Variants in GRID2 observed in about 807,000 individuals in gnomAD.
GRID2 encodes glutamate ionotropic receptor delta type subunit 2.
Under a neutral mutation model 114.8 loss-of-function variants are expected in GRID2, and 33 were observed. That is an observed-to-expected ratio of 0.29 (90% confidence interval 0.22 to 0.38). The LOEUF (loss-of-function observed/expected upper bound fraction) is 0.38. Among genes scored for constraint, GRID2 ranks in the 10% least tolerant of loss-of-function variants. The pLI is 1.00. For missense variants in GRID2, 1,184 were observed against 1,257.7 expected (o/e 0.94, Z 0.89); for synonymous variants, 505 against 449.9 (o/e 1.12, Z -1.55).
At chr4:92,400,755 C>T (rs1399160027) in intron 1 of GRID2, among the ~76,000 whole-genome samples, 2 of 151,906 alleles carry the variant, frequency 1.3e-5, no homozygotes, top group East Asian at 3.9e-4. Flanking sequence ...TTCTCTTTAC[C>T]CTCACAAACA....
At chr4:92,567,185 C>T (rs1023491831) in intron 1 of GRID2, among the ~76,000 whole-genome samples, 50 of 151,908 alleles carry the variant, frequency 3.3e-4, no homozygotes, top group Admixed American at 5.3e-4. Flanking sequence ...ATCAGATAAC[C>T]TCCAGTTGAC....
intron 8 of GRID2, among the ~76,000 whole-genome samples, chr4:93,242,156 G>A (rs1747603281): frequency 6.6e-6 from 1 of 151,894 alleles, no homozygotes; most frequent in Admixed American, 6.6e-5. Context: ...AATTGTCTTT[G>A]CTTGGAGAAA....
At chr4:92,900,113 A>T (rs1327054838) in intron 2 of GRID2, among the ~76,000 whole-genome samples, 3 of 152,168 alleles carry the variant, frequency 2.0e-5, no homozygotes, top group Non-Finnish European at 4.4e-5. Context: ...ATACAATATG[A>T]AAGGTCATTG....
intron 1 of GRID2, among the ~76,000 whole-genome samples, chr4:92,347,312 A>G (rs767522542): frequency 1.3e-5 from 2 of 152,226 alleles, no homozygotes; most frequent in Non-Finnish European, 2.9e-5. Flanking sequence ...GTGTGAGGCT[A>G]TGCACATGCA....
chr4:93,070,300 C>T (rs1295604752), intron 2 of GRID2, among the ~76,000 whole-genome samples: 1 of 152,200 alleles, frequency 6.6e-6, no homozygotes, highest in South Asian at 2.1e-4. Flanking sequence ...TGACCTCATG[C>T]ACTGTTCCAT....
downstream of GRID2, among the ~76,000 whole-genome samples, chr4:93,776,546 A>C (rs930615821): frequency 2.0e-5 from 3 of 152,192 alleles, no homozygotes; most frequent in Non-Finnish European, 4.4e-5. Context: ...TCCAACACTC[A>C]TCTCTTTCCT....
At chr4:92,653,288 C>G (rs1732061301) in intron 2 of GRID2, among the ~76,000 whole-genome samples, 1 of 147,876 alleles carries the variant, frequency 6.8e-6, no homozygotes, top group South Asian at 2.2e-4. Flanking sequence ...TGTGAGCCAT[C>G]GCGCCTGGCC....
chr4:92,411,284 A>C (rs930469735), intron 1 of GRID2, among the ~76,000 whole-genome samples: 7 of 152,084 alleles, frequency 4.6e-5, no homozygotes, highest in African/African-American at 1.7e-4. Flanking sequence ...TAGAATTTTT[A>C]TGTGGAAATA....
At chr4:93,328,241 G>C (rs1758057848) in intron 8 of GRID2, among the ~76,000 whole-genome samples, 1 of 151,502 alleles carries the variant, frequency 6.6e-6, no homozygotes, top group African/African-American at 2.4e-5. Context: ...ACCTTATTTA[G>C]AATGAACTAC....
chr4:92,777,107 G>A (rs1578177588), intron 2 of GRID2, among the ~76,000 whole-genome samples: 1 of 151,242 alleles, frequency 6.6e-6, no homozygotes, highest in African/African-American at 2.4e-5. Flanking sequence ...TTCTTCATCC[G>A]AGATACTAGA....
intron 14 of GRID2, among the ~76,000 whole-genome samples, chr4:93,706,592 G>GT (rs1728018591): frequency 6.6e-6 from 1 of 152,050 alleles, no homozygotes; most frequent in Non-Finnish European, 1.5e-5. Context: ...CTAAATTTGT[G>GT]TATCACCTCT....
chr4:93,326,495 CT>C (rs1252230562), intron 8 of GRID2, among the ~76,000 whole-genome samples: 1 of 151,978 alleles, frequency 6.6e-6, no homozygotes, highest in Admixed American at 6.6e-5. Flanking sequence ...AAAAATTGAG[CT>C]TTTAGATTCT....
At chr4:93,563,292 T>G (rs1290733954) in intron 13 of GRID2, among the ~76,000 whole-genome samples, 1 of 152,026 alleles carries the variant, frequency 6.6e-6, no homozygotes, top group Non-Finnish European at 1.5e-5. Context: ...ATCCTTTATA[T>G]TTTCTTAGCT....
chr4:93,483,667 C>G (rs1293145554), intron 11 of GRID2, among the ~76,000 whole-genome samples: 1 of 151,934 alleles, frequency 6.6e-6, no homozygotes, highest in Non-Finnish European at 1.5e-5. Context: ...TTTAAGTAAG[C>G]TAATGTATAC....
intron 1 of GRID2, among the ~76,000 whole-genome samples, chr4:92,482,581 T>G (rs977531812): frequency 6.6e-6 from 1 of 152,170 alleles, no homozygotes; most frequent in African/African-American, 2.4e-5. Flanking sequence ...TTTTAGAAAA[T>G]ACAATAGTTA....
intron 4 of GRID2, among the ~76,000 whole-genome samples, chr4:93,164,013 A>G (rs1381582859): frequency 2.6e-5 from 4 of 151,980 alleles, no homozygotes; most frequent in Non-Finnish European, 5.9e-5. Context: ...ATAATTACCT[A>G]TTAAGTTAGT....
chr4:92,785,158 C>T (rs1351240964), intron 2 of GRID2, among the ~76,000 whole-genome samples: 1 of 149,610 alleles, frequency 6.7e-6, no homozygotes, highest in Non-Finnish European at 1.5e-5. Flanking sequence ...CAGACAAAAT[C>T]CAAACATTAT....
At chr4:93,185,770 A>G (rs1291005986) in intron 4 of GRID2, among the ~76,000 whole-genome samples, 1 of 152,182 alleles carries the variant, frequency 6.6e-6, no homozygotes, top group African/African-American at 2.4e-5. Flanking sequence ...ATTATACTTT[A>G]ACTTCTAGGG....
At chr4:92,957,823 T>A (rs1332431862) in intron 2 of GRID2, among the ~76,000 whole-genome samples, 1 of 152,076 alleles carries the variant, frequency 6.6e-6, no homozygotes, top group African/African-American at 2.4e-5. Context: ...CCTTTTTATA[T>A]CTTTCATTAG....
Sources: allele counts gnomAD v4.1 joint callset (sites outside exome capture counted in the v4.1 genomes callset), GRCh38; gene constraint gnomAD v4.1.1; transcripts MANE v1.5; gene names NCBI Gene and HGNC (gene_info 2026-07-23, HGNC 2026-07-21).